Variants in CERK observed in about 807,000 individuals in gnomAD.
CERK encodes ceramide kinase.
Under a neutral mutation model 63.4 loss-of-function variants are expected in CERK, and 39 were observed. That is an observed-to-expected ratio of 0.61 (90% CI 0.48 to 0.80). CERK has a LOEUF of 0.80. Ranked by LOEUF, CERK falls within the 30% of genes least tolerant of loss-of-function variation. The pLI, the probability that CERK is intolerant of heterozygous loss-of-function variation, is 0.00. For missense variants in CERK, 670 were observed against 714.1 expected (o/e 0.94, Z 0.70); for synonymous variants, 302 against 280.0 (o/e 1.08, Z -0.78).
intron 1 of CERK, among the ~76,000 whole-genome samples, chr22:46,736,612 C>T (rs926252825): frequency 1.3e-5 from 2 of 152,208 alleles, no homozygotes; most frequent in East Asian, 1.9e-4. Context: ...TGTGTGGGCC[C>T]TGGTGGGTGA....
intron 9 of CERK, 66 bp downstream of exon 9, chr22:46,695,144 C>T (rs538381311): frequency 1.2e-6 from 1 of 868,534 alleles, no homozygotes; most frequent in African/African-American, 1.7e-5. Context: ...TCTGCATTCA[C>T]CTTCCTAACC....
chr22:46,708,906 C>T (rs1044020639), intron 5 of CERK, among the ~76,000 whole-genome samples: 2 of 152,198 alleles, frequency 1.3e-5, no homozygotes, highest in African/African-American at 4.8e-5. Context: ...GCCTGAGGGG[C>T]CTCCCTCAAG....
intron 9 of CERK, 104 bp from the exon 10 acceptor site, chr22:46,693,607 A>T: frequency 1.0e-6 from 1 of 989,584 alleles, no homozygotes; most frequent in Non-Finnish European, 1.6e-6. Context: ...ATACGAAAAA[A>T]TTCCATTTCA....
chr22:46,729,129 G>C (rs1039380592), intron 1 of CERK, among the ~76,000 whole-genome samples: 1 of 152,220 alleles, frequency 6.6e-6, no homozygotes, highest in African/African-American at 2.4e-5. Context: ...TTGGGAGGCT[G>C]AAGCGGGAGG....
chr22:46,697,839 C>T (rs951360869), intron 8 of CERK, among the ~76,000 whole-genome samples: 3 of 152,226 alleles, frequency 2.0e-5, no homozygotes, highest in Non-Finnish European at 2.9e-5. Flanking sequence ...CCTTTTCCAG[C>T]GTTTAAAAGC....
chr22:46,712,191 G>A lies in CERK; in HGVS notation c.482C>T (p.Ala161Val). ...ERKVAPLFTL[A>V]SITTDIIVTE... is the part of the protein sequence containing the mutation. The stretch of plus-strand genomic sequence containing the variant: ...ACCGATGATGTCAGTGGTGATGGAG[G>A]CTAAGGTGAACAGTGGTGCCACTTT... Residue 161 changes from alanine to valine, a missense_variant, in exon 4 of 13, where the codon GCC becomes GTC. By Grantham distance (64) the Ala-to-Val change is moderately conservative. Transcript: ENST00000216264. The A allele has an allele frequency of 6.2e-7, 1 of 1,614,182 alleles. No homozygotes were observed. The highest frequency in any genetic ancestry group is 8.5e-7 in the Non-Finnish European group (1 of 1,180,008).
chr22:46,724,747 G>C (rs182645010), intron 1 of CERK, among the ~76,000 whole-genome samples: 80 of 152,264 alleles, frequency 5.3e-4, no homozygotes, highest in Middle Eastern at 3.4e-3. Context: ...CAGCAGGGCG[G>C]GGTGGCTCAC....
intron 5 of CERK, among the ~76,000 whole-genome samples, chr22:46,710,630 C>T (rs2146567849): frequency 6.6e-6 from 1 of 152,200 alleles, no homozygotes; most frequent in East Asian, 1.9e-4. Context: ...AGAGCCTGAA[C>T]ATCTACAAGT....
At chr22:46,698,362 T>C (rs2082766700) in intron 8 of CERK, among the ~76,000 whole-genome samples, 1 of 152,374 alleles carries the variant, frequency 6.6e-6, no homozygotes, top group African/African-American at 2.4e-5. Context: ...GACACGTCCC[T>C]GCCTCAAAAA....
chr22:46,728,573 T>C (rs1182130250), intron 1 of CERK, among the ~76,000 whole-genome samples: 1 of 152,194 alleles, frequency 6.6e-6, no homozygotes, highest in African/African-American at 2.4e-5. Flanking sequence ...CAGTACACGC[T>C]GGCCTAAATG....
chr22:46,726,909 T>C (rs1036545231), intron 1 of CERK, among the ~76,000 whole-genome samples: 3 of 152,210 alleles, frequency 2.0e-5, no homozygotes, highest in Non-Finnish European at 2.9e-5. Context: ...CGACTGCGTG[T>C]CCCCAGCCCT....
chr22:46,712,084 C>T, intron 4 of CERK, 84 bp downstream of exon 4: 1 of 1,503,416 alleles, frequency 6.7e-7, no homozygotes, highest in East Asian at 2.3e-5. Flanking sequence ...GAGACACCGT[C>T]TAGAAAAAGC....
chr22:46,691,052 T>TACACACACAC (rs753033175), intron 11 of CERK, among the ~76,000 whole-genome samples: 13 of 78,514 alleles, frequency 1.7e-4, no homozygotes, highest in South Asian at 1.3e-3. Context: ...CATGTATACA[T>TACACACACAC]ACATACACAC....
Position 46,690,099 on chromosome 22 carries a change from C to T in CERK, c.1434G>A (p.Lys478=). 6.2e-7 allele frequency: 1 copy of T among 1,614,098 alleles called. No homozygotes were observed. Among genetic ancestry groups the T allele is most frequent in the Non-Finnish European group, 8.5e-7 (1 of 1,180,016 alleles). ...EDSDLKEGGK[K]RFGHICSSHP... is the part of the protein sequence containing the mutation. ...GGCTGCTGCAAATGTGCCCAAAGCG[C>T]TTCTTCCCCCCCTCCTTGAGGTCGC... Residue 478 remains lysine, a synonymous_variant, in exon 12 of 13, where the codon AAG becomes AAA. Transcript: ENST00000216264.
intron 6 of CERK, among the ~76,000 whole-genome samples, chr22:46,707,390 C>T (rs912986211): frequency 6.6e-6 from 1 of 152,200 alleles, no homozygotes; most frequent in Admixed American, 6.5e-5. Flanking sequence ...TTCCCGGGCT[C>T]GGCTAGGTCC....
In CERK at chr22:46,711,157, G is replaced by A. The variant is rs751382414; in HGVS notation, c.506-8C>T. 1 of 1,606,280 alleles carries A rather than the reference G, an allele frequency of 6.2e-7. No homozygotes were observed. The highest frequency in any genetic ancestry group is 8.5e-7 in the Non-Finnish European group (1 of 1,172,928). ...GATTAGCATGTTCAGTAACTGTGGG[G>A]AAAAATTACATCACACAGTTTATAT... is the stretch of plus-strand genomic sequence containing the variant. On this transcript the variant is annotated splice_region_variant and splice_polypyrimidine_tract_variant and intron_variant, in intron 4 of 12. Coordinates refer to ENST00000216264, the MANE Select transcript of CERK (RefSeq NM_022766.6).
intron 1 of CERK, among the ~76,000 whole-genome samples, chr22:46,728,105 C>T (rs954276385): frequency 6.6e-6 from 1 of 152,152 alleles, no homozygotes; most frequent in Non-Finnish European, 1.5e-5. Context: ...TAATCCTAGA[C>T]CTGCTTAGAC....
At chr22:46,695,799 A>C (rs1264082029) in intron 8 of CERK, among the ~76,000 whole-genome samples, 2 of 152,208 alleles carry the variant, frequency 1.3e-5, no homozygotes, top group South Asian at 4.1e-4. Flanking sequence ...GCTGCCACCC[A>C]AAGTCTGGGG....
intron 1 of CERK, among the ~76,000 whole-genome samples, chr22:46,721,839 C>T (rs959463516): frequency 6.6e-6 from 1 of 152,160 alleles, no homozygotes; most frequent in African/African-American, 2.4e-5. Flanking sequence ...CAGCACCGGA[C>T]ATGCTCCACC....
Sources: allele counts gnomAD v4.1 joint callset (sites outside exome capture counted in the v4.1 genomes callset), GRCh38; gene constraint gnomAD v4.1.1; transcripts MANE v1.5; gene names NCBI Gene and HGNC (gene_info 2026-07-23, HGNC 2026-07-21).